SLC20A2: variants seen among roughly 807,000 people sequenced by gnomAD.
SLC20A2 encodes the protein solute carrier family 20 member 2.
In SLC20A2, 30 loss-of-function variants were observed where a neutral mutation model predicts 61.0. The ratio of observed to expected loss-of-function variants is 0.49; its 90% confidence interval spans 0.37 to 0.67. The LOEUF (loss-of-function observed/expected upper bound fraction) is 0.67. Among genes scored for constraint, SLC20A2 ranks in the 30% least tolerant of loss-of-function variants. The pLI is 0.00. For synonymous variants in SLC20A2, 351 were observed against 353.3 expected, an observed-to-expected ratio of 0.99 and a Z score of 0.07; for missense variants, 626 against 866.4, an observed-to-expected ratio of 0.72 and a Z score of 3.48.
intron 1 of SLC20A2, among the ~76,000 whole-genome samples, chr8:42,474,553 A>T (rs1807904478): frequency 6.6e-6 from 1 of 152,208 alleles, no homozygotes; most frequent in South Asian, 2.1e-4. Context: ...ACACTAAATC[A>T]ATGCATGAAA....
chr8:42,502,529 G>A (rs1810388802), upstream of SLC20A2: 1 of 152,270 alleles, frequency 6.6e-6, no homozygotes, highest in African/African-American at 2.4e-5. Flanking sequence ...GCACAAACCG[G>A]TTGATCTTCA....
At chr8:42,491,525 G>T (rs1252742694) in intron 1 of SLC20A2, among the ~76,000 whole-genome samples, 2 of 151,196 alleles carry the variant, frequency 1.3e-5, no homozygotes, top group Admixed American at 6.6e-5. Flanking sequence ...AAAAAAATTA[G>T]CTGGGCATGG....
intron 6 of SLC20A2, among the ~76,000 whole-genome samples, chr8:42,443,015 G>A (rs1162174852): frequency 6.6e-6 from 1 of 151,788 alleles, no homozygotes; most frequent in African/African-American, 2.4e-5. Flanking sequence ...AACAGCCTTG[G>A]CTGACTTCCT....
intron 5 of SLC20A2, among the ~76,000 whole-genome samples, chr8:42,453,697 A>G (rs755774754): frequency 1.3e-5 from 2 of 152,224 alleles, no homozygotes; most frequent in Non-Finnish European, 2.9e-5. Flanking sequence ...AATATTAGCA[A>G]AGTCCTTTTT....
At chr8:42,524,194 T>G (rs1811772462) in intron 1 of SLC20A2, among the ~76,000 whole-genome samples, 1 of 152,208 alleles carries the variant, frequency 6.6e-6, no homozygotes, top group South Asian at 2.1e-4. Context: ...TTCTGGAAAT[T>G]TTTACAACTA....
intron 1 of SLC20A2, among the ~76,000 whole-genome samples, chr8:42,515,220 C>T (rs1194530652): frequency 2.0e-5 from 3 of 152,088 alleles, no homozygotes; most frequent in South Asian, 2.1e-4. Flanking sequence ...GTTTTGACTC[C>T]GGAGCTTGTG....
At chr8:42,491,236 C>T (rs1010175185) in intron 1 of SLC20A2, among the ~76,000 whole-genome samples, 3 of 151,930 alleles carry the variant, frequency 2.0e-5, no homozygotes, top group Non-Finnish European at 2.9e-5. Flanking sequence ...AAAAATTGGC[C>T]GGGTATGGTG....
Position 42,430,108 on chromosome 8 carries a change from C to T in SLC20A2, c.1665G>A (p.Val555=). The T allele has an allele frequency of 6.2e-7, 1 of 1,613,720 alleles. No homozygotes were observed. The highest frequency in any genetic ancestry group is 1.1e-5 in the South Asian group (1 of 91,016). ...TGAGGTCCTTCCCCATGGTCTGGAT[C>T]ACTCTTCTCCCCCAGACCCAGAGGC... ...CTGLWVWGRR[V]IQTMGKDLTP... Residue 555 remains valine (V), a synonymous_variant, in exon 9 of 11, where the codon GTG becomes GTA. Coordinates refer to ENST00000520262, the MANE Select transcript of SLC20A2 (RefSeq NM_001257180.2).
In SLC20A2 at chr8:42,439,201, G is replaced by A. The variant is rs528730659; in HGVS notation, c.934+249C>T. On this transcript the variant is annotated intron_variant, in intron 7 of 10. Transcript: ENST00000520262. ...TGGGTGCAGCACAGACATACAGTGCGTGGCCCCAGTGCCTCCGGTTAGACT... is the reference window on the plus strand; with the variant it reads ...TGGGTGCAGCACAGACATACAGTGCATGGCCCCAGTGCCTCCGGTTAGACT... 8.5e-5 allele frequency among the ~76,000 whole-genome samples: 13 copies of A among 152,322 alleles called. No homozygotes were observed. In the South Asian group the frequency reaches 2.1e-3, roughly 24 times the overall value.
In SLC20A2 at chr8:42,482,533, G is replaced by T. The variant is rs145614008; in HGVS notation, c.-264-9879C>A. Among the ~76,000 whole-genome samples, 1,062 of 152,208 alleles carry T rather than the reference G, an allele frequency of 7.0e-3. 6 individuals are homozygous for T. The highest frequency in any genetic ancestry group is 0.024 in the African/African-American group (994 of 41,538). Reference sequence around the variant, plus strand: ...TCCCGTCAAGGTGGGCGGATCACTTGAGCCCAGGAGTTTGAGATCAGCCTA... The same window carrying T: ...TCCCGTCAAGGTGGGCGGATCACTTTAGCCCAGGAGTTTGAGATCAGCCTA... On this transcript the variant is annotated intron_variant, in intron 1 of 10. Coordinates refer to ENST00000520262, the MANE Select transcript of SLC20A2 (RefSeq NM_001257180.2).
intron 10 of SLC20A2, among the ~76,000 whole-genome samples, chr8:42,421,918 T>C (rs1008097186): frequency 4.6e-5 from 7 of 152,148 alleles, no homozygotes; most frequent in African/African-American, 1.7e-4. Flanking sequence ...GCTGCCTATA[T>C]ACCCAACTTG....
At position 42,428,376 on chromosome 8, in the gene SLC20A2, A is replaced by G. The variant is rs76908767; in HGVS notation, c.1794+382T>C. Among the ~76,000 whole-genome samples, 850 of 152,366 alleles carry G rather than the reference A, an allele frequency of 5.6e-3. 14 individuals are homozygous for G. The highest frequency in any genetic ancestry group is 0.019 in the African/African-American group (808 of 41,592). ...GAGATGATTTGTGTTAATTTCTAAC[A>G]CTGTCAACCCCCAGTCCCCTCATTG... On this transcript the variant is annotated intron_variant, in intron 10 of 10. Coordinates refer to ENST00000520262, the MANE Select transcript of SLC20A2 (RefSeq NM_001257180.2).
intron 2 of SLC20A2, among the ~76,000 whole-genome samples, chr8:42,470,614 G>A (rs547457204): frequency 2.7e-4 from 41 of 152,206 alleles, no homozygotes; most frequent in African/African-American, 8.4e-4. Flanking sequence ...CTTATCAGAC[G>A]CCTCGAACAA....
chr8:42,487,027 C>T (rs917540433), intron 1 of SLC20A2, among the ~76,000 whole-genome samples: 23 of 151,588 alleles, frequency 1.5e-4, no homozygotes, highest in Non-Finnish European at 7.4e-5. Context: ...CCACAACGCC[C>T]GGCTAATTTT....
In SLC20A2 at chr8:42,430,197, C is replaced by A. The variant is rs1420760497; in HGVS notation, c.1576G>T (p.Val526Leu). The A allele has an allele frequency of 3.1e-6, 5 of 1,613,940 alleles. No individual in the cohort carries two copies. Among genetic ancestry groups the A allele is most frequent in the Non-Finnish European group, 3.4e-6 (4 of 1,179,930 alleles). ...ALWLIYKQGG[V>L]TQEAATPVWL... is the part of the protein sequence containing the mutation. ...ACGGGTGTAGCTGCTTCTTGCGTTA[C>A]CCCGCCTTGTTTGTAAATCAGCCAC... The change falls in exon 9 of 11, where the codon GTA (valine) becomes TTA (leucine). Residue 526 changes from valine (V) to leucine (L), a missense_variant. Physicochemically the swap from Val to Leu is conservative, Grantham distance 32 (BLOSUM62 1). Around this residue, in one of 3 missense-constraint regions of SLC20A2, gnomAD observed 138 missense variants for 228.7 expected, o/e 0.60. Coordinates refer to ENST00000520262, the MANE Select transcript of SLC20A2 (RefSeq NM_001257180.2).
At chr8:42,523,783 T>C (rs1811749050) in intron 1 of SLC20A2, among the ~76,000 whole-genome samples, 2 of 152,354 alleles carry the variant, frequency 1.3e-5, no homozygotes, top group Admixed American at 6.5e-5. Context: ...AGAATGTTAC[T>C]TGACCTTCAG....
chr8:42,464,090 A>ATGTTTTTTTTTTTTTT (rs1563488008), intron 3 of SLC20A2, among the ~76,000 whole-genome samples: 1 of 19,996 alleles, frequency 5.0e-5, no homozygotes, highest in African/African-American at 1.1e-4. Flanking sequence ...AGGCTGGATG[A>ATGTTTTTTTTTTTTTT]TCTTTTTTTT....
intron 4 of SLC20A2, among the ~76,000 whole-genome samples, chr8:42,461,810 A>T (rs1242189231): frequency 1.3e-5 from 2 of 151,326 alleles, no homozygotes; most frequent in African/African-American, 4.9e-5. Flanking sequence ...CTTTCCATCT[A>T]TCCATCCCTC....
intron 5 of SLC20A2, among the ~76,000 whole-genome samples, chr8:42,454,469 T>G (rs553723342): frequency 1.1e-4 from 16 of 152,202 alleles, no homozygotes; most frequent in African/African-American, 3.9e-4. Context: ...TGGCCTTACT[T>G]TATAATCAGG....
Sources: gnomAD v4.1 joint callset for allele counts (sites outside exome capture counted in the v4.1 genomes callset) on GRCh38, gnomAD v4.1.1 for gene constraint, gnomAD v4.1.1 regional missense constraint, MANE v1.5 for transcripts, NCBI Gene and HGNC (gene_info 2026-07-23, HGNC 2026-07-21) for gene names.